CDH9: variants seen among roughly 807,000 people sequenced by gnomAD.
CDH9 encodes cadherin-9.
CDH9 carries 28 observed loss-of-function variants against 70.9 expected under a neutral mutation model. That is an observed-to-expected ratio of 0.40 (90% CI 0.29 to 0.54). The LOEUF (loss-of-function observed/expected upper bound fraction) is 0.54, where lower values mean the gene tolerates loss of function less well. CDH9 is among the 20% of genes least tolerant of loss of function. CDH9 has a pLI of 0.59. For synonymous variants in CDH9, 409 were observed against 343.1 expected (o/e 1.19, Z -2.12); for missense variants, 874 against 984.4 (o/e 0.89, Z 1.50).
chr5:26,919,407 G>A (rs893600145), intron 2 of CDH9, among the ~76,000 whole-genome samples: 1 of 152,164 alleles, frequency 6.6e-6, no homozygotes, highest in Admixed American at 6.5e-5. Flanking sequence ...GCCCATCCCA[G>A]TGGTCAGAAG....
intron 1 of CDH9, among the ~76,000 whole-genome samples, chr5:27,022,773 T>G (rs1743161044): frequency 6.6e-6 from 1 of 151,918 alleles, no homozygotes; most frequent in African/African-American, 2.4e-5. Flanking sequence ...TGTGGGAAAA[T>G]TTAGGCAATA....
intron 9 of CDH9, among the ~76,000 whole-genome samples, chr5:26,887,536 C>T (rs898514010): frequency 2.0e-5 from 3 of 151,388 alleles, no homozygotes; most frequent in Non-Finnish European, 1.5e-5. Flanking sequence ...CAATAACACA[C>T]ATGAATCAGT....
chr5:26,893,097 T>C (rs1740688946), intron 7 of CDH9, among the ~76,000 whole-genome samples: 2 of 152,194 alleles, frequency 1.3e-5, no homozygotes, highest in Admixed American at 1.3e-4. Context: ...ATTCTTTTGT[T>C]TGAATTGTTT....
At chr5:26,980,168 T>C (rs1027271600) in intron 2 of CDH9, among the ~76,000 whole-genome samples, 11 of 151,878 alleles carry the variant, frequency 7.2e-5, no homozygotes, top group Non-Finnish European at 1.3e-4. Flanking sequence ...AGAGAAACAT[T>C]TGTTATTGGA....
In CDH9 at chr5:26,977,489, A is replaced by ATATATATATATATATATATATATG. The variant is rs1401713640; in HGVS notation, c.228+10616_228+10617insCATATATATATATATATATATATA. Reference sequence around the variant, plus strand: ...TATGTGTGCGTGTGTGTGTGTGTATATATATATATATATATATATGGCACT... The same window carrying ATATATATATATATATATATATATG: ...TATGTGTGCGTGTGTGTGTGTGTATATATATATATATATATATATATATGTATATATATATATATATATGGCACT... On this transcript the variant is annotated intron_variant, in intron 2 of 11. Transcript: ENST00000231021. 4.9e-3 allele frequency among the ~76,000 whole-genome samples: 635 copies of ATATATATATATATATATATATATG among 129,026 alleles called. 9 individuals carry two copies. The highest frequency in any genetic ancestry group is 0.028 in the African/African-American group (609 of 21,884). 84.6% of individuals were successfully genotyped at this position (129,026 alleles called of 152,430 possible).
intron 7 of CDH9, among the ~76,000 whole-genome samples, chr5:26,894,645 A>G (rs1740715580): frequency 6.6e-6 from 1 of 152,134 alleles, no homozygotes; most frequent in South Asian, 2.1e-4. Flanking sequence ...CACCCAGAAT[A>G]GCACATTCAG....
At chr5:26,966,699 A>G (rs1345154813) in intron 2 of CDH9, among the ~76,000 whole-genome samples, 4 of 152,172 alleles carry the variant, frequency 2.6e-5, no homozygotes, top group Non-Finnish European at 5.9e-5. Context: ...TGAATAACAC[A>G]CATTTATAGC....
intron 3 of CDH9, among the ~76,000 whole-genome samples, chr5:26,907,674 A>T (rs1214529634): frequency 2.0e-5 from 3 of 152,134 alleles, no homozygotes; most frequent in East Asian, 3.8e-4. Flanking sequence ...ATGAATTTTT[A>T]AAATTATCTT....
chr5:27,027,205 A>G (rs551622593), intron 1 of CDH9, among the ~76,000 whole-genome samples: 2 of 152,144 alleles, frequency 1.3e-5, no homozygotes, highest in South Asian at 4.1e-4. Context: ...TGAGTATTCT[A>G]TATTAATTTC....
chr5:26,995,458 G>A (rs1400439834), intron 1 of CDH9, among the ~76,000 whole-genome samples: 2 of 152,156 alleles, frequency 1.3e-5, no homozygotes, highest in Admixed American at 6.5e-5. Context: ...TTCACAACAC[G>A]ATTGGTATAA....
chr5:26,886,357 G>C lies in CDH9; in HGVS notation c.1513-274C>G, dbSNP rs1293162698. ...TTGTCTTATACCTGGCCAGCTTAAA[G>C]AAAAATTCAATCCCTCCAATACCTA... On this transcript the variant is annotated intron_variant, in intron 9 of 11. Coordinates refer to ENST00000231021, the MANE Select transcript of CDH9 (RefSeq NM_016279.4). 9.2e-5 allele frequency among the ~76,000 whole-genome samples: 14 copies of C among 152,050 alleles called. 1 individual carries two copies.
chr5:27,013,659 T>G (rs916175222), intron 1 of CDH9, among the ~76,000 whole-genome samples: 3 of 151,952 alleles, frequency 2.0e-5, no homozygotes, highest in African/African-American at 7.2e-5. Context: ...AATCCACCTC[T>G]ACAGCCCTAC....
At chr5:26,936,898 G>C (rs1332635745) in intron 2 of CDH9, among the ~76,000 whole-genome samples, 1 of 151,776 alleles carries the variant, frequency 6.6e-6, no homozygotes, top group Non-Finnish European at 1.5e-5. Flanking sequence ...TGTGTTTTTA[G>C]ATAATAGACT....
intron 8 of CDH9, 136 bp from the exon 9 acceptor site, chr5:26,890,093 C>T (rs1740631024): frequency 7.8e-6 from 6 of 769,708 alleles, no homozygotes; most frequent in South Asian, 1.6e-5. Context: ...AATATCTCAG[C>T]TCTCTTACAT....
At position 26,930,061 on chromosome 5, in the gene CDH9, T is replaced by C. The variant is rs879534820; in HGVS notation, c.229-14137A>G. ...AGTGGACATGCCATTTACCCTGATGTGATTATTGTGCATTGTATGCCTGTA... is the reference window on the plus strand; with the variant it reads ...AGTGGACATGCCATTTACCCTGATGCGATTATTGTGCATTGTATGCCTGTA... On this transcript the variant is annotated intron_variant, in intron 2 of 11. Coordinates refer to ENST00000231021, the MANE Select transcript of CDH9 (RefSeq NM_016279.4). 4.6e-5 allele frequency among the ~76,000 whole-genome samples: 7 copies of C among 152,086 alleles called. No individual in the cohort carries two copies. The East Asian group carries it at 1.3e-3, about 29-fold the overall frequency.
At position 26,894,767 on chromosome 5, in the gene CDH9, TAAC is replaced by T. The variant is rs1388737528; in HGVS notation, c.1254-4206_1254-4204del. ...CTATGTTCCAGCAGATGGCCTACTA[TAAC>T]AACAATATTTTATTGGTCCCCCTGC... is the stretch of plus-strand genomic sequence containing the variant. On this transcript the variant is annotated intron_variant, in intron 7 of 11. Coordinates refer to ENST00000231021, the MANE Select transcript of CDH9 (RefSeq NM_016279.4). 3.3e-5 allele frequency among the ~76,000 whole-genome samples: 5 copies of T among 152,028 alleles called. No homozygotes were observed. The East Asian group carries it at 9.6e-4, about 29-fold the overall frequency.
At chr5:26,992,881 GAGGTC>G (rs917360119) in intron 1 of CDH9, among the ~76,000 whole-genome samples, 13 of 152,240 alleles carry the variant, frequency 8.5e-5, no homozygotes, top group Middle Eastern at 3.4e-3. Context: ...CGGATCACCT[GAGGTC>G]AGGAGTTCGA....
chr5:26,907,028 AT>A (rs1475076503), intron 3 of CDH9, among the ~76,000 whole-genome samples, 190 bp from the exon 4 acceptor site: 2 of 152,116 alleles, frequency 1.3e-5, no homozygotes, highest in African/African-American at 4.8e-5. Flanking sequence ...GTGTTTCTTA[AT>A]TTTTTTGTTT....
intron 1 of CDH9, among the ~76,000 whole-genome samples, chr5:27,033,463 CAT>C (rs1743342365): frequency 8.6e-6 from 1 of 116,498 alleles, no homozygotes. Flanking sequence ...GATATAAAGA[CAT>C]AGATAGACAG....
Sources: allele counts gnomAD v4.1 joint callset (sites outside exome capture counted in the v4.1 genomes callset), GRCh38; gene constraint gnomAD v4.1.1; transcripts MANE v1.5; gene names NCBI Gene and HGNC (gene_info 2026-07-23, HGNC 2026-07-21).